Variants in GALK2 observed in about 807,000 individuals in gnomAD.
GALK2 encodes the protein galactokinase 2, also known as N-acetylgalactosamine kinase.
A neutral mutation model predicts 52.4 loss-of-function variants in GALK2; 36 were observed. The observed-to-expected ratio is 0.69, with a 90% confidence interval of 0.53 to 0.91. The LOEUF (loss-of-function observed/expected upper bound fraction) is 0.91, where lower values mean the gene tolerates loss of function less well. GALK2 is among the 40% of genes least tolerant of loss of function. GALK2 has a pLI of 0.00. For synonymous variants in GALK2, 176 were observed against 199.1 expected, an observed-to-expected ratio of 0.88 and a Z score of 0.98; for missense variants, 579 against 559.1, an observed-to-expected ratio of 1.04 and a Z score of -0.36.
At chr15:49,314,794 G>C (rs574756458) in intron 8 of GALK2, among the ~76,000 whole-genome samples, 2 of 152,364 alleles carry the variant, frequency 1.3e-5, no homozygotes, top group African/African-American at 4.8e-5. Context: ...AAATATGTAT[G>C]TGTGTGGGCT....
At chr15:49,256,400 T>C (rs2091816795) in intron 5 of GALK2, among the ~76,000 whole-genome samples, 1 of 152,222 alleles carries the variant, frequency 6.6e-6, no homozygotes, top group Non-Finnish European at 1.5e-5. Context: ...GTGCATGCTT[T>C]CTTATGTGTT....
chr15:49,275,102 T>C (rs1247898549), intron 5 of GALK2, among the ~76,000 whole-genome samples: 1 of 152,214 alleles, frequency 6.6e-6, no homozygotes, highest in Non-Finnish European at 1.5e-5. Context: ...TACTACACTT[T>C]TATATGACTG....
At chr15:49,155,816 A>T (rs767230489) in exon 1 of GALK2, 2 of 718,882 alleles carry the variant, frequency 2.8e-6, no homozygotes, top group Non-Finnish European at 2.3e-6. Context: ...CAACTGGGAC[A>T]TCGTCCGGTG....
intron 5 of GALK2, among the ~76,000 whole-genome samples, chr15:49,278,249 A>G (rs1008248343): frequency 1.1e-4 from 16 of 152,226 alleles, no homozygotes; most frequent in African/African-American, 3.4e-4. Context: ...CGACAGAGCT[A>G]GACACTGACT....
At chr15:49,176,719 G>C (rs1006264792) in intron 1 of GALK2, among the ~76,000 whole-genome samples, 2 of 152,034 alleles carry the variant, frequency 1.3e-5, no homozygotes, top group South Asian at 4.1e-4. Context: ...GGTAATTACT[G>C]CATTAAATTT....
chr15:49,236,363 A>G (rs1280953349), intron 4 of GALK2, among the ~76,000 whole-genome samples: 1 of 152,224 alleles, frequency 6.6e-6, no homozygotes, highest in Non-Finnish European at 1.5e-5. Flanking sequence ...AGATTTATCC[A>G]TAAAATGATG....
intron 5 of GALK2, among the ~76,000 whole-genome samples, chr15:49,269,234 G>A (rs924393384): frequency 2.0e-5 from 3 of 152,104 alleles, no homozygotes; most frequent in African/African-American, 7.2e-5. Flanking sequence ...GCATAGAGCC[G>A]CAAATATATA....
At chr15:49,220,058 C>CTTTTTTTTTTTTTTT (rs34707025) in intron 3 of GALK2, among the ~76,000 whole-genome samples, 2 of 92,750 alleles carry the variant, frequency 2.2e-5, no homozygotes, top group Non-Finnish European at 4.3e-5. Context: ...AGATACAAGT[C>CTTTTTTTTTTTTTTT]TTTTTTTTTT....
intron 1 of GALK2, among the ~76,000 whole-genome samples, chr15:49,179,625 C>G (rs1472053185): frequency 6.7e-6 from 1 of 150,176 alleles, no homozygotes; most frequent in Middle Eastern, 3.5e-3. Flanking sequence ...GTTACTAATA[C>G]TGCTGTTCTT....
In GALK2 at chr15:49,350,267, G is replaced by A. The variant is rs574045841; in HGVS notation, c.427-17224G>A. ...ATGTGGCGAGTGTATCAGATTAACT[G>A]AATTTCTACTTATACTTAATTTCAT... is the stretch of plus-strand genomic sequence containing the variant. On this transcript the variant is annotated intron_variant, in intron 3 of 3. Coordinates refer to the GALK2 transcript ENST00000558399. Among the ~76,000 whole-genome samples, 126 of 152,274 alleles carry A rather than the reference G, an allele frequency of 8.3e-4. 3 individuals carry two copies. The South Asian group carries it at 0.025, about 30-fold the overall frequency.
In GALK2 at chr15:49,217,158, C is replaced by T. The variant is rs778602344; in HGVS notation, c.143-32C>T. On this transcript the variant is annotated intron_variant, in intron 2 of 9. Transcript: ENST00000560031. ...GAGGTGCTTTTGTTTTATATATTAG[C>T]AATGATTAAAAAAGCTTTCTCTTTT... 7.6e-6 allele frequency: 12 copies of T among 1,582,934 alleles called. No individual in the cohort carries two copies. In the East Asian group the frequency reaches 2.7e-4, roughly 35 times the overall value.
intron 1 of GALK2, among the ~76,000 whole-genome samples, chr15:49,171,737 T>G (rs1010272537): frequency 6.6e-6 from 1 of 152,060 alleles, no homozygotes; most frequent in Non-Finnish European, 1.5e-5. Flanking sequence ...ATGAGAAATT[T>G]GTTACATGAA....
At chr15:49,268,295 T>C (rs1238165262) in intron 5 of GALK2, among the ~76,000 whole-genome samples, 1 of 152,108 alleles carries the variant, frequency 6.6e-6, no homozygotes, top group African/African-American at 2.4e-5. Flanking sequence ...AGAACCCAAT[T>C]TAAATGGGGA....
chr15:49,156,087 G>A lies in GALK2; in HGVS notation c.20+71G>A. ...TGCGGTGGGTGTTCCTAAGATACTT[G>A]GAGTACTTTTCAGCAACACAGTTTA... On this transcript the variant is annotated intron_variant, in intron 1 of 9. Coordinates refer to the GALK2 transcript ENST00000327171. The A allele has an allele frequency of 3.3e-6, 5 of 1,495,520 alleles. No homozygotes were observed. The South Asian group carries it at 5.7e-5, about 17-fold the overall frequency. The allele number at this position is 1,495,520 out of a possible 1,614,324, so 92.6% of individuals were successfully genotyped here.
intron 7 of GALK2, among the ~76,000 whole-genome samples, chr15:49,291,397 C>A (rs1248480067): frequency 6.6e-6 from 1 of 152,106 alleles, no homozygotes. Context: ...TGGTAAACCC[C>A]GCTTCCTGTC....
intron 1 of GALK2, chr15:49,161,810 CT>C (rs2084660527): frequency 6.1e-6 from 1 of 163,478 alleles, no homozygotes. Flanking sequence ...CCTCCGCCTC[CT>C]GGGTTCAAGC....
At chr15:49,176,194 A>C (rs2085444372) in intron 1 of GALK2, among the ~76,000 whole-genome samples, 1 of 152,250 alleles carries the variant, frequency 6.6e-6, no homozygotes, top group Admixed American at 6.5e-5. Context: ...CAATCATTTA[A>C]AGACCTTTTG....
chr15:49,353,142 T>C (rs12902096), intron 3 of GALK2, among the ~76,000 whole-genome samples: 38,411 of 152,140 alleles, frequency 0.25, 5,992 homozygotes, highest in Non-Finnish European at 0.35. Flanking sequence ...CCACTGATAG[T>C]GTGGAAAGTC....
chr15:49,203,191 C>T (rs1291728885), intron 2 of GALK2, among the ~76,000 whole-genome samples: 1 of 152,144 alleles, frequency 6.6e-6, no homozygotes, highest in African/African-American at 2.4e-5. Flanking sequence ...GCTGGGACTA[C>T]AGGCACGTGC....
Sources: gnomAD v4.1 joint callset for allele counts (sites outside exome capture counted in the v4.1 genomes callset) on GRCh38, gnomAD v4.1.1 for gene constraint, MANE v1.5 for transcripts, NCBI Gene and HGNC (gene_info 2026-07-23, HGNC 2026-07-21) for gene names.